The following NR3C1 variants were observed in gnomAD, a reference collection of about 807,000 sequenced individuals.
NR3C1 encodes glucocorticoid receptor.
Under a neutral mutation model 74.0 loss-of-function variants are expected in NR3C1, and 14 were observed. The ratio of observed to expected loss-of-function variants is 0.19; its 90% CI spans 0.12 to 0.30. NR3C1 has a LOEUF of 0.30. NR3C1 is among the 10% of genes least tolerant of loss of function. NR3C1 has a pLI of 1.00. For missense variants in NR3C1, 695 were observed against 909.8 expected (o/e 0.76, Z 3.04); for synonymous variants, 308 against 332.5 (o/e 0.93, Z 0.80).
At chr5:143,366,691 C>T (rs1171806314) in intron 2 of NR3C1, among the ~76,000 whole-genome samples, 2 of 152,086 alleles carry the variant, frequency 1.3e-5, no homozygotes, top group Non-Finnish European at 2.9e-5. Flanking sequence ...AATAATTATA[C>T]ACTAACCAAT....
intron 2 of NR3C1, among the ~76,000 whole-genome samples, chr5:143,388,611 T>C (rs541152324): frequency 6.6e-6 from 1 of 152,298 alleles, no homozygotes; most frequent in South Asian, 2.1e-4. Context: ...AAGATTCTAC[T>C]ATTTCAGATA....
chr5:143,348,114 C>A (rs746691143), intron 2 of NR3C1, among the ~76,000 whole-genome samples: 1 of 152,148 alleles, frequency 6.6e-6, no homozygotes, highest in Non-Finnish European at 1.5e-5. Flanking sequence ...GCATTCTAGC[C>A]CACAGTTGTG....
intron 1 of NR3C1, among the ~76,000 whole-genome samples, chr5:143,416,387 G>A (rs2151957530): frequency 6.6e-6 from 1 of 152,048 alleles, no homozygotes; most frequent in South Asian, 2.1e-4. Flanking sequence ...AACAGGAATA[G>A]CTAAGCTGAT....
At chr5:143,335,145 C>T (rs1826845973) in intron 2 of NR3C1, among the ~76,000 whole-genome samples, 1 of 152,190 alleles carries the variant, frequency 6.6e-6, no homozygotes, top group African/African-American at 2.4e-5. Context: ...TCTCTCCCTA[C>T]TAGCATCAAG....
In NR3C1 at chr5:143,399,955, C is replaced by A; in HGVS notation, c.885G>T (p.Glu295Asp). ...CCTGACAGTAAACTGTGCCCAGTTT[C>A]TCTTGCTTAATTACCCCAGGGGTGC... is the stretch of plus-strand genomic sequence containing the variant. ...ELCTPGVIKQEKLGTVYCQAS... is the reference protein window; with the variant it reads ...ELCTPGVIKQDKLGTVYCQAS... Residue 295 changes from glutamate (E) to aspartate (D), a missense_variant, in exon 2 of 9, where the codon GAG becomes GAT. Physicochemically the swap from Glu to Asp is conservative, Grantham distance 45 (BLOSUM62 2). This residue lies in a region of NR3C1 where 497 missense variants were observed against 489.5 expected (regional missense o/e 1.02). Transcript: ENST00000394464. 6.2e-7 allele frequency: 1 copy of A among 1,614,170 alleles called. No homozygotes were observed. Among genetic ancestry groups the A allele is most frequent in the Non-Finnish European group, 8.5e-7 (1 of 1,180,034 alleles).
chr5:143,369,913 A>G (rs1833954039), intron 2 of NR3C1, among the ~76,000 whole-genome samples: 1 of 152,230 alleles, frequency 6.6e-6, no homozygotes, highest in Non-Finnish European at 1.5e-5. Context: ...CAAAAGGTGA[A>G]GGAGTATTCA....
In NR3C1 at chr5:143,315,461, C is replaced by T. The variant is rs138900432; in HGVS notation, c.1185-1293G>A. Among the ~76,000 whole-genome samples the T allele has an allele frequency of 9.1e-4, 138 of 152,208 alleles. 1 individual carries two copies. The highest frequency in any genetic ancestry group is 3.1e-3 in the African/African-American group (127 of 41,536). ...ATTCTACATATTAAAGTCCGTTTTG[C>T]TTATCATCTATACAAGTTCATAAAT... On this transcript the variant is annotated intron_variant, in intron 2 of 8. Coordinates refer to ENST00000394464, the MANE Select transcript of NR3C1 (RefSeq NM_000176.3).
At chr5:143,402,554 G>A in intron 1 of NR3C1, 3 of 971,554 alleles carry the variant, frequency 3.1e-6, no homozygotes, top group Non-Finnish European at 3.7e-6. Context: ...CGGGGCGGGG[G>A]TGGAGAAGAG....
At chr5:143,338,830 C>T (rs976723154) in intron 2 of NR3C1, among the ~76,000 whole-genome samples, 3 of 152,260 alleles carry the variant, frequency 2.0e-5, no homozygotes, top group South Asian at 4.1e-4. Flanking sequence ...ATGTCCTAGG[C>T]CTTCACATTC....
intron 1 of NR3C1, among the ~76,000 whole-genome samples, chr5:143,412,993 C>T (rs1265665539): frequency 6.6e-6 from 1 of 152,070 alleles, no homozygotes; most frequent in Non-Finnish European, 1.5e-5. Context: ...TCCATTCATT[C>T]CTTCAACAAA....
intron 4 of NR3C1, among the ~76,000 whole-genome samples, chr5:143,302,035 A>G (rs1285388267): frequency 3.3e-5 from 5 of 152,138 alleles, no homozygotes; most frequent in Non-Finnish European, 4.4e-5. Context: ...GAGGCACAGT[A>G]TGATATAGGA....
At chr5:143,338,197 C>A (rs1827522255) in intron 2 of NR3C1, among the ~76,000 whole-genome samples, 1 of 152,126 alleles carries the variant, frequency 6.6e-6, no homozygotes, top group Non-Finnish European at 1.5e-5. Context: ...ATAAACAAAC[C>A]TACCGTGCTA....
upstream of NR3C1, chr5:143,404,298 C>G: frequency 1.0e-5 from 10 of 985,518 alleles, no homozygotes; most frequent in Non-Finnish European, 1.2e-5. Flanking sequence ...CGGCCGCGCT[C>G]GGGGCCGGGC....
At chr5:143,376,619 T>G (rs1600397936) in intron 2 of NR3C1, among the ~76,000 whole-genome samples, 1 of 152,224 alleles carries the variant, frequency 6.6e-6, no homozygotes, top group East Asian at 1.9e-4. Context: ...CAGAATTTAT[T>G]GGCATATTTG....
intron 1 of NR3C1, among the ~76,000 whole-genome samples, chr5:143,412,038 T>A (rs1841310704): frequency 1.3e-5 from 2 of 152,040 alleles, no homozygotes; most frequent in Non-Finnish European, 2.9e-5. Context: ...GAGATGGACT[T>A]CCAGGAACTT....
chr5:143,402,608 A>C, intron 1 of NR3C1: 5 of 985,492 alleles, frequency 5.1e-6, no homozygotes, highest in Non-Finnish European at 6.0e-6. Flanking sequence ...AGACCTGTTG[A>C]GTTCTCTCTC....
intron 2 of NR3C1, among the ~76,000 whole-genome samples, chr5:143,378,433 C>A (rs559346567): frequency 6.6e-6 from 1 of 152,160 alleles, no homozygotes; most frequent in Non-Finnish European, 1.5e-5. Context: ...ATGTTACCTT[C>A]TTTTCTTCTA....
intron 4 of NR3C1, among the ~76,000 whole-genome samples, chr5:143,303,507 G>A (rs887561899): frequency 1.3e-5 from 2 of 151,952 alleles, no homozygotes; most frequent in Admixed American, 6.6e-5. Context: ...GTACAAAGAA[G>A]AGCTGGTACT....
At position 143,282,733 on chromosome 5, in the gene NR3C1, G is replaced by A; in HGVS notation, c.2024-8C>T. ...TCAGACCGTCCTTAGGAACTAAAAG[G>A]TTAAGATGAAGTCAGTTAAAGGATT... On this transcript the variant is annotated splice_polypyrimidine_tract_variant and splice_region_variant and intron_variant, in intron 7 of 8. Transcript: ENST00000394464. 6.2e-7 allele frequency: 1 copy of A among 1,610,772 alleles called. No individual in the cohort carries two copies. Among genetic ancestry groups the A allele is most frequent in the Non-Finnish European group, 8.5e-7 (1 of 1,178,456 alleles).
Sources: gnomAD v4.1 joint callset for allele counts (sites outside exome capture counted in the v4.1 genomes callset) on GRCh38, gnomAD v4.1.1 for gene constraint, gnomAD v4.1.1 regional missense constraint, MANE v1.5 for transcripts, NCBI Gene and HGNC (gene_info 2026-07-23, HGNC 2026-07-21) for gene names.